The following HERC6 variants were observed in gnomAD, a reference collection of about 807,000 sequenced individuals.
HERC6 encodes the protein HECT and RLD domain containing E3 ubiquitin protein ligase family member 6, also known as probable E3 ubiquitin-protein ligase HERC6.
In HERC6, 101 loss-of-function variants were observed where a neutral mutation model predicts 114.5. The observed-to-expected ratio is 0.88, with a 90% CI of 0.75 to 1.04. HERC6 has a LOEUF of 1.04. Ranked by LOEUF, HERC6 falls within the 50% of genes least tolerant of loss-of-function variation. HERC6 has a pLI of 0.00. For synonymous variants in HERC6, 408 were observed against 436.2 expected (o/e 0.94, Z 0.81); for missense variants, 1,133 against 1,230.9 (o/e 0.92, Z 1.19).
chr4:88,430,635 T>C (rs947007101), intron 16 of HERC6, among the ~76,000 whole-genome samples: 1 of 152,066 alleles, frequency 6.6e-6, no homozygotes, highest in Non-Finnish European at 1.5e-5. Context: ...TTAATGCTGA[T>C]TTCTCATTTG....
intron 1 of HERC6, among the ~76,000 whole-genome samples, chr4:88,379,624 AT>A (rs1305118310): frequency 8.4e-6 from 1 of 119,112 alleles, no homozygotes; most frequent in Non-Finnish European, 1.6e-5. Flanking sequence ...GCATTAAAAA[AT>A]ATATATATAT....
chr4:88,415,366 A>T (rs1578396790), intron 12 of HERC6, among the ~76,000 whole-genome samples: 1 of 152,200 alleles, frequency 6.6e-6, no homozygotes, highest in African/African-American at 2.4e-5. Context: ...CATTCCAGAA[A>T]GCAAAATCAC....
At position 88,440,040 on chromosome 4, in the gene HERC6, T is replaced by C. The variant is rs1267240843; in HGVS notation, c.2722T>C (p.Trp908Arg). ...TAIIGNTDYDWKQFEQNSKYE... is the reference protein window; with the variant it reads ...TAIIGNTDYDRKQFEQNSKYE... ...AATCATTGGAAATACTGATTATGAC[T>C]GGAAACAGTTTGAACAGGTAGGTGA... is the stretch of plus-strand genomic sequence containing the variant. Residue 908 changes from tryptophan to arginine, a missense_variant, in exon 21 of 23, where the codon TGG becomes CGG. Coordinates refer to ENST00000264346, the MANE Select transcript of HERC6 (RefSeq NM_017912.4). 6.2e-7 allele frequency: 1 copy of C among 1,610,474 alleles called. No individual in the cohort carries two copies. Among genetic ancestry groups the C allele is most frequent in the African/African-American group, 1.3e-5 (1 of 74,708 alleles).
chr4:88,440,278 A>G, intron 22 of HERC6, 28 bp downstream of exon 22: 1 of 1,168,250 alleles, frequency 8.6e-7, no homozygotes, highest in Non-Finnish European at 1.3e-6. Context: ...AGATGGACAC[A>G]TAATTATGTA....
intron 10 of HERC6, among the ~76,000 whole-genome samples, 185 bp downstream of exon 10, chr4:88,405,798 T>C (rs1272895468): frequency 1.3e-5 from 2 of 152,216 alleles, no homozygotes; most frequent in Non-Finnish European, 2.9e-5. Flanking sequence ...CTACCATAAG[T>C]TATAATTCCT....
chr4:88,404,742 AAAGCTCCTCCCACCAAATGCTACCACCC>A, intron 8 of HERC6, 106 bp from the exon 9 acceptor site: 2 of 1,165,148 alleles, frequency 1.7e-6, no homozygotes, highest in Non-Finnish European at 2.4e-6. Flanking sequence ...GTCTGACGCC[AAAGCTCCTCCCACCAAATGCTACCACCC>A]AAGAGGGCAG....
chr4:88,414,976 A>C (rs745907843), intron 12 of HERC6, among the ~76,000 whole-genome samples: 1 of 152,124 alleles, frequency 6.6e-6, no homozygotes, highest in Non-Finnish European at 1.5e-5. Flanking sequence ...GCAGTAAGCT[A>C]TCAGCATACC....
At chr4:88,398,039 G>A in intron 7 of HERC6, 103 bp from the exon 8 acceptor site, 1 of 642,904 alleles carries the variant, frequency 1.6e-6, no homozygotes, top group Non-Finnish European at 2.7e-6. Context: ...CCATTTAGGA[G>A]AATATAAATT....
intron 1 of HERC6, among the ~76,000 whole-genome samples, chr4:88,382,171 A>G (rs1294966247): frequency 6.6e-6 from 1 of 152,178 alleles, no homozygotes. Flanking sequence ...TAAGATTACA[A>G]AGATAAAAGG....
intron 17 of HERC6, among the ~76,000 whole-genome samples, chr4:88,432,151 T>C (rs999446305): frequency 1.3e-5 from 2 of 152,154 alleles, no homozygotes; most frequent in African/African-American, 4.8e-5. Flanking sequence ...ACGAACTTTG[T>C]TTCATGCACA....
At position 88,380,674 on chromosome 4, in the gene HERC6, G is replaced by A. The variant is rs1463532016; in HGVS notation, c.199+1554G>A. On this transcript the variant is annotated intron_variant, in intron 1 of 22. Coordinates refer to ENST00000264346, the MANE Select transcript of HERC6 (RefSeq NM_017912.4). ...AGAGGTTGCAGTGAGCCGAAATCGC[G>A]ACACTGCACTCCAGCCTGGCAACAG... Among the ~76,000 whole-genome samples the A allele has an allele frequency of 5.4e-5, 8 of 149,452 alleles. 1 individual carries two copies. In the Admixed American group the frequency reaches 5.4e-4, roughly 10 times the overall value.
intron 15 of HERC6, among the ~76,000 whole-genome samples, chr4:88,427,660 T>C (rs1405521074): frequency 6.6e-6 from 1 of 152,178 alleles, no homozygotes; most frequent in Non-Finnish European, 1.5e-5. Flanking sequence ...TATGCACACT[T>C]CTCTGAAGTG....
chr4:88,440,329 G>C, intron 22 of HERC6, 79 bp downstream of exon 22: 1 of 841,876 alleles, frequency 1.2e-6, no homozygotes, highest in Non-Finnish European at 1.9e-6. Context: ...TGAAGCCATT[G>C]AAGTGGCCTC....
intron 1 of HERC6, 70 bp downstream of exon 1, chr4:88,379,190 CGCAGGGAACCGGGT>C (rs1734028952): frequency 8.0e-7 from 1 of 1,248,406 alleles, no homozygotes; most frequent in Non-Finnish European, 1.1e-6. Context: ...GGGTACCGGG[CGCAGGGAACCGGGT>C]GCGGAGCGCT....
intron 5 of HERC6, among the ~76,000 whole-genome samples, chr4:88,395,077 A>G (rs17014115): frequency 0.2 from 30,128 of 152,188 alleles, 3,656 homozygotes; most frequent in African/African-American, 0.36. Flanking sequence ...CATAAGGAAT[A>G]GACTTGAAAA....
At chr4:88,386,199 C>CTTTTTTTTTTTTTTTTTCT (rs1734570489) in intron 3 of HERC6, among the ~76,000 whole-genome samples, 1 of 131,940 alleles carries the variant, frequency 7.6e-6, no homozygotes, top group East Asian at 2.2e-4. Flanking sequence ...TTTTTCTTTT[C>CTTTTTTTTTTTTTTTTTCT]TTTTTTTTTT....
rs1445699304 is a variant in HERC6 at position 88,423,960 on chromosome 4, G to A, written c.1814G>A (p.Arg605Gln). The A allele has an allele frequency of 7.5e-6, 11 of 1,470,170 alleles. No homozygotes were observed. Among genetic ancestry groups the A allele is most frequent in the South Asian group, 1.3e-5 (1 of 78,478 alleles). 91.1% of individuals were successfully genotyped at this position (1,470,170 alleles called of 1,614,324 possible). A position where few individuals can be genotyped will look rare whatever the true frequency, so the allele number is the denominator to read the frequency against. The change falls in exon 14 of 23, where the codon CGG becomes CAG. Residue 605 changes from arginine (R) to glutamine (Q), a missense_variant. Coordinates refer to ENST00000264346, the MANE Select transcript of HERC6 (RefSeq NM_017912.4). ...ATAGATAGAGGAAGACAGCTCTTTC[G>A]GGATAACCACCTGGTAAGAATAACA... ...FYIDRGRQLF[R>Q]DNHLIPAETP...
chr4:88,418,253 C>G (rs1162187156), intron 13 of HERC6, among the ~76,000 whole-genome samples: 1 of 152,124 alleles, frequency 6.6e-6, no homozygotes, highest in Non-Finnish European at 1.5e-5. Context: ...TGTGTAAAAA[C>G]TCACCAAGCT....
At chr4:88,414,413 T>C (rs1736309862) in intron 12 of HERC6, among the ~76,000 whole-genome samples, 1 of 152,168 alleles carries the variant, frequency 6.6e-6, no homozygotes, top group Admixed American at 6.5e-5. Flanking sequence ...AGTTTAAGTC[T>C]GTATTACTGG....
Sources: gnomAD v4.1 joint callset for allele counts (sites outside exome capture counted in the v4.1 genomes callset) on GRCh38, gnomAD v4.1.1 for gene constraint, MANE v1.5 for transcripts, NCBI Gene and HGNC (gene_info 2026-07-23, HGNC 2026-07-21) for gene names.